Variants in ZMIZ1 observed in about 807,000 individuals in gnomAD.
ZMIZ1 encodes the protein zinc finger MIZ domain-containing protein 1.
Under a neutral mutation model 113.9 loss-of-function variants are expected in ZMIZ1, and 17 were observed. That is an observed-to-expected ratio of 0.15 (90% confidence interval 0.10 to 0.22). The LOEUF (loss-of-function observed/expected upper bound fraction) is 0.22, where lower values mean the gene tolerates loss of function less well. Ranked by LOEUF, ZMIZ1 falls within the 10% of genes least tolerant of loss-of-function variation. ZMIZ1 has a pLI of 1.00. For synonymous variants in ZMIZ1, 607 were observed against 603.1 expected (o/e 1.01, Z -0.09); for missense variants, 1,059 against 1,477.8 (o/e 0.72, Z 4.65).
At chr10:79,117,947 C>T (rs115799545) in intron 1 of ZMIZ1, among the ~76,000 whole-genome samples, 1 of 152,196 alleles carries the variant, frequency 6.6e-6, no homozygotes, top group Non-Finnish European at 1.5e-5. Flanking sequence ...ATTGCCTTCT[C>T]CTTTTCCCAG....
intron 1 of ZMIZ1, among the ~76,000 whole-genome samples, chr10:79,099,901 G>A (rs1843301939): frequency 1.3e-5 from 2 of 152,102 alleles, no homozygotes; most frequent in African/African-American, 4.8e-5. Context: ...GTGCTGACAT[G>A]GTCCTAACCG....
At chr10:79,254,388 G>A (rs1850744198) in intron 7 of ZMIZ1, among the ~76,000 whole-genome samples, 1 of 152,246 alleles carries the variant, frequency 6.6e-6, no homozygotes, top group Non-Finnish European at 1.5e-5. Context: ...CATCAGTGCA[G>A]GGCACAGAAG....
chr10:79,163,423 C>T (rs892801160), intron 4 of ZMIZ1, among the ~76,000 whole-genome samples: 12 of 152,264 alleles, frequency 7.9e-5, no homozygotes, highest in African/African-American at 2.9e-4. Flanking sequence ...ATTATACTGA[C>T]ATTGCTGACA....
At chr10:79,183,442 C>G (rs1299762493) in intron 4 of ZMIZ1, among the ~76,000 whole-genome samples, 4 of 152,122 alleles carry the variant, frequency 2.6e-5, no homozygotes, top group African/African-American at 9.7e-5. Flanking sequence ...CCCCAGTTCT[C>G]TAGGTTGATG....
At chr10:79,261,396 C>T (rs1009816378) in intron 7 of ZMIZ1, among the ~76,000 whole-genome samples, 2 of 152,168 alleles carry the variant, frequency 1.3e-5, no homozygotes, top group African/African-American at 2.4e-5. Context: ...AGAGAGCAGG[C>T]GCTGGAGGGG....
At chr10:79,261,027 A>G (rs1168461255) in intron 7 of ZMIZ1, among the ~76,000 whole-genome samples, 1 of 152,122 alleles carries the variant, frequency 6.6e-6, no homozygotes, top group Non-Finnish European at 1.5e-5. Context: ...GGCTCTCTTC[A>G]GGGCAGAGAG....
At chr10:79,182,751 C>A (rs1308310159) in intron 4 of ZMIZ1, among the ~76,000 whole-genome samples, 1 of 152,232 alleles carries the variant, frequency 6.6e-6, no homozygotes, top group African/African-American at 2.4e-5. Context: ...CCTTCCGAGG[C>A]CGAGCCCAGT....
Position 79,134,614 on chromosome 10 carries a change from A to T in ZMIZ1, c.-226-5068A>T, listed in dbSNP as rs1589315757. Reference sequence around the variant, plus strand: ...ACTGCACTTAGCTAGGCTTTCTCCCAACCTGGATTGAGACTTCCCCAGGAC... The same window carrying T: ...ACTGCACTTAGCTAGGCTTTCTCCCTACCTGGATTGAGACTTCCCCAGGAC... On this transcript the variant is annotated intron_variant, in intron 2 of 24. Coordinates refer to ENST00000334512, the MANE Select transcript of ZMIZ1 (RefSeq NM_020338.4). 3.3e-5 allele frequency among the ~76,000 whole-genome samples: 5 copies of T among 152,324 alleles called. 1 individual carries two copies.
chr10:79,077,347 C>T (rs1842507097), intron 1 of ZMIZ1, among the ~76,000 whole-genome samples: 1 of 152,190 alleles, frequency 6.6e-6, no homozygotes, highest in African/African-American at 2.4e-5. Flanking sequence ...CTGGTGTGTG[C>T]AAGTGGGACG....
Position 79,296,656 on chromosome 10 carries a change from G to A in ZMIZ1, c.1413+3G>A. On this transcript the variant is annotated splice_donor_region_variant and intron_variant, in intron 13 of 24. Coordinates refer to ENST00000334512, the MANE Select transcript of ZMIZ1 (RefSeq NM_020338.4). The surrounding 1 kb of genome is among the most constrained non-coding windows in gnomAD (Gnocchi z 4.1). Reference sequence around the variant, plus strand: ...TCAACATGGGGCAGTATTACAAGGTGAGTCCCAGCCTCGCCACCACCCACG... The same window carrying A: ...TCAACATGGGGCAGTATTACAAGGTAAGTCCCAGCCTCGCCACCACCCACG... The A allele has an allele frequency of 6.5e-7, 1 of 1,548,562 alleles. No homozygotes were observed. The highest frequency in any genetic ancestry group is 8.7e-7 in the Non-Finnish European group (1 of 1,145,876).
At chr10:79,303,799 C>A (rs1589606987) in intron 18 of ZMIZ1, among the ~76,000 whole-genome samples, 2 of 152,384 alleles carry the variant, frequency 1.3e-5, no homozygotes, top group Admixed American at 1.3e-4. Flanking sequence ...CTGGCACACA[C>A]ACACCACACG....
intron 17 of ZMIZ1, 82 bp from the exon 18 acceptor site, chr10:79,302,025 C>A: frequency 7.1e-7 from 1 of 1,401,170 alleles, no homozygotes; most frequent in Non-Finnish European, 1.0e-6. Flanking sequence ...ATCCTGGGAG[C>A]AGTCTAGGGC....
In ZMIZ1 at chr10:79,316,084, A is replaced by C. The variant is rs554857035; in HGVS notation, c.*3335A>C. 6.5e-6 allele frequency: 1 copy of C among 152,942 alleles called. No individual in the cohort carries two copies. The highest frequency in any genetic ancestry group is 2.1e-4 in the South Asian group (1 of 4,830). The allele number at this position is 152,942 out of a possible 1,614,324, so 9.5% of individuals were successfully genotyped here. A position where few individuals can be genotyped will look rare whatever the true frequency, so the allele number is the denominator to read the frequency against. On this transcript the variant is annotated 3_prime_UTR_variant, in exon 25 of 25. Coordinates refer to ENST00000334512, the MANE Select transcript of ZMIZ1 (RefSeq NM_020338.4). The stretch of plus-strand genomic sequence containing the variant: ...AGGGTGCTATGGAAATAATGAAAAG[A>C]AACGGGGATTTCAGAAGAAAATTGT...
Position 79,139,589 on chromosome 10 carries a change from G to C in ZMIZ1, c.-226-93G>C, listed in dbSNP as rs11002848. 460 of 397,704 alleles carry C rather than the reference G, an allele frequency of 1.2e-3. 2 individuals are homozygous for C. Among genetic ancestry groups the C allele is most frequent in the African/African-American group, 8.5e-3 (415 of 48,740 alleles). 24.6% of individuals were successfully genotyped at this position (397,704 alleles called of 1,614,324 possible). A position where few individuals can be genotyped will look rare whatever the true frequency, so the allele number is the denominator to read the frequency against. Reference sequence around the variant, plus strand: ...CTTAAGTGACCCAAGAGGCCGCTGAGATTAGCTTGGCGGCAGGGACAGAGG... The same window carrying C: ...CTTAAGTGACCCAAGAGGCCGCTGACATTAGCTTGGCGGCAGGGACAGAGG... On this transcript the variant is annotated intron_variant, in intron 2 of 24. Transcript: ENST00000334512.
At chr10:79,144,212 G>T (rs927250224) in intron 3 of ZMIZ1, among the ~76,000 whole-genome samples, 3 of 152,182 alleles carry the variant, frequency 2.0e-5, no homozygotes, top group African/African-American at 7.2e-5. Flanking sequence ...GGCGGGACTG[G>T]ACTGGACTTA....
chr10:79,191,169 T>C (rs1488213073), intron 4 of ZMIZ1, among the ~76,000 whole-genome samples: 1 of 152,176 alleles, frequency 6.6e-6, no homozygotes, highest in African/African-American at 2.4e-5. Context: ...CCTTAAGGGC[T>C]GATCTAGTTC....
intron 3 of ZMIZ1, among the ~76,000 whole-genome samples, chr10:79,148,912 C>A (rs1247629365): frequency 2.0e-5 from 3 of 152,230 alleles, no homozygotes; most frequent in Non-Finnish European, 4.4e-5. Context: ...GAGCATCAAG[C>A]TGGGTCTGTA....
intron 4 of ZMIZ1, among the ~76,000 whole-genome samples, chr10:79,183,297 G>A (rs965677504): frequency 6.6e-6 from 1 of 152,334 alleles, no homozygotes; most frequent in Admixed American, 6.5e-5. Context: ...TTTTCTTGGA[G>A]GGTTATAAAT....
At chr10:79,104,463 AGCCTCAGTT>A (rs1843482702) in intron 1 of ZMIZ1, among the ~76,000 whole-genome samples, 1 of 152,194 alleles carries the variant, frequency 6.6e-6, no homozygotes, top group East Asian at 1.9e-4. Flanking sequence ...GGCTTGTTAA[AGCCTCAGTT>A]TTGTCATCTG....
Sources: allele counts gnomAD v4.1 joint callset (sites outside exome capture counted in the v4.1 genomes callset), GRCh38; gene constraint gnomAD v4.1.1; non-coding constraint Gnocchi (gnomAD v3.1); transcripts MANE v1.5; gene names NCBI Gene and HGNC (gene_info 2026-07-23, HGNC 2026-07-21).